Variants in CSMD1 observed in about 807,000 individuals in gnomAD.
CSMD1 encodes CUB and sushi domain-containing protein 1.
CSMD1 carries 213 observed loss-of-function variants against 417.5 expected under a neutral mutation model. The observed-to-expected ratio is 0.51, with a 90% CI of 0.46 to 0.57. The LOEUF (loss-of-function observed/expected upper bound fraction) is 0.57. Among genes scored for constraint, CSMD1 ranks in the 20% least tolerant of loss-of-function variants. The pLI is 0.00. For synonymous variants in CSMD1, 2,862 were observed against 1,736.8 expected, an observed-to-expected ratio of 1.65 and a Z score of -16.11; for missense variants, 6,923 against 4,529.7, an observed-to-expected ratio of 1.53 and a Z score of -15.17.
At chr8:4,293,160 T>C (rs911317093) in intron 3 of CSMD1, among the ~76,000 whole-genome samples, 5 of 152,182 alleles carry the variant, frequency 3.3e-5, no homozygotes, top group Middle Eastern at 3.4e-3. Flanking sequence ...CTTTGTCCAG[T>C]ATACTCTGAG....
chr8:3,684,393 T>G (rs531783700), intron 7 of CSMD1, among the ~76,000 whole-genome samples: 5 of 148,178 alleles, frequency 3.4e-5, no homozygotes, highest in African/African-American at 4.9e-5. Context: ...GTATAACATA[T>G]AAGTACATAT....
chr8:3,099,171 C>G (rs971116415), intron 46 of CSMD1, among the ~76,000 whole-genome samples: 2 of 152,054 alleles, frequency 1.3e-5, no homozygotes, highest in African/African-American at 4.8e-5. Context: ...ACTCATCAGA[C>G]CTTACTACAA....
intron 1 of CSMD1, among the ~76,000 whole-genome samples, chr8:4,881,713 G>C (rs950552994): frequency 4.0e-5 from 6 of 151,364 alleles, no homozygotes; most frequent in African/African-American, 1.2e-4. Context: ...TTGATATTTT[G>C]AATAAAAAGC....
chr8:4,986,772 C>T (rs918443332), intron 1 of CSMD1, among the ~76,000 whole-genome samples: 2 of 151,990 alleles, frequency 1.3e-5, no homozygotes, highest in Non-Finnish European at 2.9e-5. Context: ...ATAATAGAGG[C>T]ACTGATGATA....
chr8:3,289,015 C>A lies in CSMD1; in HGVS notation c.3951-4669G>T, dbSNP rs1383694658. 2.2e-5 allele frequency among the ~76,000 whole-genome samples: 3 copies of A among 138,906 alleles called. No individual in the cohort carries two copies. The East Asian group carries it at 5.9e-4, about 27-fold the overall frequency. 91.1% of individuals were successfully genotyped at this position (138,906 alleles called of 152,430 possible). A position where few individuals can be genotyped will look rare whatever the true frequency, so the allele number is the denominator to read the frequency against. ...CAACAGTCCCCGGTGTGTGATGTTC[C>A]CCTTCCTGTGTCCGTGTGTTCTCAT... On this transcript the variant is annotated intron_variant, in intron 25 of 69. Coordinates refer to ENST00000635120, the MANE Select transcript of CSMD1 (RefSeq NM_033225.6).
chr8:4,344,086 G>A (rs545792257), intron 3 of CSMD1, among the ~76,000 whole-genome samples: 13 of 152,164 alleles, frequency 8.5e-5, no homozygotes, highest in Admixed American at 3.3e-4. Flanking sequence ...GGCTTAACAC[G>A]GTATACCAGC....
chr8:4,421,634 T>G (rs1262160634), intron 2 of CSMD1, among the ~76,000 whole-genome samples: 4 of 151,836 alleles, frequency 2.6e-5, no homozygotes, highest in African/African-American at 9.7e-5. Flanking sequence ...ACAGATAAAC[T>G]GAATGAAAAT....
At chr8:3,215,087 A>T (rs1372603234) in intron 29 of CSMD1, among the ~76,000 whole-genome samples, 1 of 152,234 alleles carries the variant, frequency 6.6e-6, no homozygotes, top group Admixed American at 6.5e-5. Context: ...TACATCAAAC[A>T]TATTAACATA....
At chr8:3,813,887 C>T (rs753778207) in intron 5 of CSMD1, among the ~76,000 whole-genome samples, 5 of 152,140 alleles carry the variant, frequency 3.3e-5, no homozygotes, top group African/African-American at 9.7e-5. Context: ...AAAGTGATCG[C>T]TTTTCCTTTT....
intron 5 of CSMD1, among the ~76,000 whole-genome samples, chr8:3,894,273 C>G (rs1213159515): frequency 2.6e-5 from 4 of 152,198 alleles, no homozygotes; most frequent in African/African-American, 9.6e-5. Context: ...ACACTGTAAT[C>G]TACTTCCTGT....
intron 1 of CSMD1, among the ~76,000 whole-genome samples, chr8:4,874,592 T>C (rs564188625): frequency 2.0e-5 from 3 of 151,814 alleles, no homozygotes; most frequent in Non-Finnish European, 4.4e-5. Context: ...GGTTTCACTA[T>C]GTTGGCCAGG....
intron 1 of CSMD1, among the ~76,000 whole-genome samples, chr8:4,746,161 C>T (rs1233656523): frequency 6.6e-6 from 1 of 152,140 alleles, no homozygotes; most frequent in African/African-American, 2.4e-5. Context: ...GGGCTTTGCA[C>T]CTTTTCATCC....
At chr8:3,345,785 C>A (rs929621539) in intron 22 of CSMD1, among the ~76,000 whole-genome samples, 1 of 152,158 alleles carries the variant, frequency 6.6e-6, no homozygotes, top group African/African-American at 2.4e-5. Context: ...AGACATCACA[C>A]AGAATGCTAG....
intron 4 of CSMD1, among the ~76,000 whole-genome samples, chr8:4,014,244 A>T (rs73503241): frequency 0.013 from 2,016 of 152,326 alleles, 55 homozygotes; most frequent in African/African-American, 0.046. Flanking sequence ...ATCTAACAGA[A>T]GCAACAAACA....
At chr8:3,558,517 T>C (rs540136530) in intron 10 of CSMD1, among the ~76,000 whole-genome samples, 14 of 149,134 alleles carry the variant, frequency 9.4e-5, no homozygotes, top group Admixed American at 4.0e-4. Context: ...TGGTACCCCA[T>C]GTCGACTCCT....
chr8:3,148,587 G>A (rs11780803), intron 40 of CSMD1, among the ~76,000 whole-genome samples: 1 of 152,164 alleles, frequency 6.6e-6, no homozygotes, highest in Non-Finnish European at 1.5e-5. Context: ...CAAGGGAGAA[G>A]ACGCAGAAAT....
chr8:4,681,449 G>C (rs1806046615), intron 1 of CSMD1, among the ~76,000 whole-genome samples: 1 of 152,156 alleles, frequency 6.6e-6, no homozygotes, highest in South Asian at 2.1e-4. Context: ...TCCAGTCACT[G>C]GACTTTGGTG....
chr8:3,471,874 G>A (rs551260491), intron 11 of CSMD1, among the ~76,000 whole-genome samples: 8 of 152,226 alleles, frequency 5.3e-5, no homozygotes, highest in Non-Finnish European at 7.4e-5. Flanking sequence ...GGGCATAGCC[G>A]TTAGTTTTTC....
In CSMD1 at chr8:3,408,070, G is replaced by T. The variant is rs1365340893; in HGVS notation, c.1900C>A (p.Gln634Lys). The change falls in exon 14 of 70, where the codon CAG becomes AAG. Residue 634 changes from glutamine (Q) to lysine (K), a missense_variant. Physicochemically the swap from Gln to Lys is moderately conservative, Grantham distance 53. Transcript: ENST00000635120. ...LIFNDFDVEP[Q>K]FDFLAVKDDG... Reference sequence around the variant, plus strand: ...TCCTTGACCGCGAGAAAGTCAAACTGAGGCTCAACATCAAAATCATTAAAG... The same window carrying T: ...TCCTTGACCGCGAGAAAGTCAAACTTAGGCTCAACATCAAAATCATTAAAG... 1.2e-6 allele frequency: 2 copies of T among 1,613,852 alleles called. No individual in the cohort carries two copies. The highest frequency in any genetic ancestry group is 1.7e-6 in the Non-Finnish European group (2 of 1,179,876).
Sources: allele counts gnomAD v4.1 joint callset (sites outside exome capture counted in the v4.1 genomes callset), GRCh38; gene constraint gnomAD v4.1.1; transcripts MANE v1.5; gene names NCBI Gene and HGNC (gene_info 2026-07-23, HGNC 2026-07-21).